The following CRK variants were observed in gnomAD, a reference collection of about 807,000 sequenced individuals.
CRK encodes the protein CRK proto-oncogene, adaptor protein, also known as adapter molecule crk.
CRK carries 4 observed loss-of-function variants against 29.8 expected under a neutral mutation model. The ratio of observed to expected loss-of-function variants is 0.13; its 90% CI spans 0.07 to 0.31. CRK has a LOEUF of 0.31. Among genes scored for constraint, CRK ranks in the 10% least tolerant of loss-of-function variants. The probability of loss-of-function intolerance (pLI) is 1.00; values close to 1 mark genes in which losing one functional copy is unlikely to be tolerated. For missense variants in CRK, 274 were observed against 396.5 expected, an observed-to-expected ratio of 0.69 and a Z score of 2.62; for synonymous variants, 153 against 164.9, an observed-to-expected ratio of 0.93 and a Z score of 0.55.
intron 1 of CRK, among the ~76,000 whole-genome samples, chr17:1,448,213 G>C (rs930345343): frequency 6.6e-6 from 1 of 152,070 alleles, no homozygotes; most frequent in African/African-American, 2.4e-5. Flanking sequence ...ACGGTCCTTT[G>C]CAGGTTTGGT....
intron 2 of CRK, among the ~76,000 whole-genome samples, chr17:1,435,855 T>C (rs989904872): frequency 6.6e-6 from 1 of 151,856 alleles, no homozygotes; most frequent in African/African-American, 2.4e-5. Context: ...CATCAATTCT[T>C]CTGAAAAGAA....
intron 1 of CRK, among the ~76,000 whole-genome samples, chr17:1,453,429 C>G (rs1221870382): frequency 6.6e-6 from 1 of 152,148 alleles, no homozygotes; most frequent in Non-Finnish European, 1.5e-5. Flanking sequence ...AGTTTGCCAT[C>G]ATGTGACGAC....
intron 1 of CRK, among the ~76,000 whole-genome samples, chr17:1,451,442 G>C (rs1191483151): frequency 6.6e-6 from 1 of 151,698 alleles, no homozygotes; most frequent in Non-Finnish European, 1.5e-5. Flanking sequence ...ATGTTGGCCA[G>C]GCTGGTCTCG....
At chr17:1,452,762 C>A (rs182498211) in intron 1 of CRK, among the ~76,000 whole-genome samples, 3 of 149,004 alleles carry the variant, frequency 2.0e-5, no homozygotes, top group African/African-American at 7.4e-5. Context: ...TGCGCTCCAG[C>A]GTGGGAGACA....
At chr17:1,444,680 C>G (rs1048697246) in intron 1 of CRK, among the ~76,000 whole-genome samples, 2 of 144,530 alleles carry the variant, frequency 1.4e-5, no homozygotes, top group Non-Finnish European at 3.0e-5. Flanking sequence ...AAAAAAAATA[C>G]AAAATTAGCC....
chr17:1,440,224 A>G (rs1321687580), intron 1 of CRK, among the ~76,000 whole-genome samples: 3 of 151,380 alleles, frequency 2.0e-5, no homozygotes, highest in Admixed American at 6.6e-5. Flanking sequence ...GCATGAACCC[A>G]GGAGGCAGAG....
At position 1,430,982 on chromosome 17, in the gene CRK, A is replaced by G. The variant is rs556939656; in HGVS notation, c.777+5638T>C. Among the ~76,000 whole-genome samples, 637 of 152,102 alleles carry G rather than the reference A, an allele frequency of 4.2e-3. 3 individuals carry two copies. The highest frequency in any genetic ancestry group is 7.2e-3 in the Non-Finnish European group (487 of 67,974). ...GCTAGGGAGGCTGAGGCAGGAGAAT[A>G]GCGTGAACCCTGGAGGCGGAGCTCG... is the stretch of plus-strand genomic sequence containing the variant. On this transcript the variant is annotated intron_variant, in intron 2 of 2. Transcript: ENST00000300574.
At chr17:1,432,381 C>G (rs1270837836) in intron 2 of CRK, among the ~76,000 whole-genome samples, 2 of 144,990 alleles carry the variant, frequency 1.4e-5, no homozygotes, top group African/African-American at 5.2e-5. Flanking sequence ...CCCAGCTACC[C>G]GGGAGGTTGA....
chr17:1,438,521 AAG>A (rs1306173679), intron 1 of CRK, among the ~76,000 whole-genome samples: 2 of 152,132 alleles, frequency 1.3e-5, no homozygotes, highest in African/African-American at 4.8e-5. Context: ...CTGAAAAACT[AAG>A]GGGCTAACTG....
At chr17:1,448,934 A>G (rs562583418) in intron 1 of CRK, among the ~76,000 whole-genome samples, 37 of 151,986 alleles carry the variant, frequency 2.4e-4, no homozygotes, top group Non-Finnish European at 4.9e-4. Flanking sequence ...TGAGGCCAGG[A>G]GTGCAAGCCC....
intron 2 of CRK, among the ~76,000 whole-genome samples, chr17:1,431,027 A>G (rs1177315019): frequency 2.0e-5 from 3 of 151,962 alleles, no homozygotes; most frequent in Non-Finnish European, 2.9e-5. Context: ...GAGATCACGC[A>G]CTGCACTCCA....
intron 1 of CRK, among the ~76,000 whole-genome samples, chr17:1,450,967 C>A (rs2074012743): frequency 1.3e-5 from 2 of 151,720 alleles, no homozygotes; most frequent in South Asian, 4.2e-4. Context: ...CCGAGGCAGG[C>A]AGATCACAAG....
At chr17:1,454,965 G>T (rs1047729778) in intron 1 of CRK, among the ~76,000 whole-genome samples, 1 of 152,108 alleles carries the variant, frequency 6.6e-6, no homozygotes, top group Non-Finnish European at 1.5e-5. Flanking sequence ...CAATATCCAG[G>T]AAGACTCAGC....
intron 1 of CRK, among the ~76,000 whole-genome samples, chr17:1,454,183 C>G (rs2074039089): frequency 6.6e-6 from 1 of 151,964 alleles, no homozygotes; most frequent in South Asian, 2.1e-4. Context: ...GCCTGGGCGA[C>G]AGAGAGACTC....
chr17:1,435,013 CAT>C (rs1423581248), intron 2 of CRK, among the ~76,000 whole-genome samples: 9 of 152,122 alleles, frequency 5.9e-5, no homozygotes, highest in Non-Finnish European at 1.0e-4. Context: ...GCAAAATTCA[CAT>C]GATAACTGGT....
chr17:1,425,544 G>A (rs574216825), intron 2 of CRK, among the ~76,000 whole-genome samples: 4 of 152,262 alleles, frequency 2.6e-5, no homozygotes, highest in South Asian at 4.1e-4. Flanking sequence ...ACAGGTGCAC[G>A]CCACCATGCC....
chr17:1,436,540 G>T, intron 2 of CRK, 80 bp downstream of exon 2: 1 of 1,436,030 alleles, frequency 7.0e-7, no homozygotes. Context: ...GCTGTAGTCA[G>T]CATTGCTACA....
chr17:1,430,508 C>T (rs2073832059), intron 2 of CRK, among the ~76,000 whole-genome samples: 1 of 150,944 alleles, frequency 6.6e-6, no homozygotes, highest in African/African-American at 2.4e-5. Flanking sequence ...AGATGCCCGC[C>T]ACCACGTCCG....
At chr17:1,440,655 G>C (rs933812814) in intron 1 of CRK, among the ~76,000 whole-genome samples, 2 of 152,056 alleles carry the variant, frequency 1.3e-5, no homozygotes, top group African/African-American at 4.8e-5. Context: ...GCTCACACCT[G>C]TAATCCCAGC....
Sources: gnomAD v4.1 joint callset for allele counts (sites outside exome capture counted in the v4.1 genomes callset) on GRCh38, gnomAD v4.1.1 for gene constraint, MANE v1.5 for transcripts, NCBI Gene and HGNC (gene_info 2026-07-23, HGNC 2026-07-21) for gene names.